Variants in RBMS3 observed in about 807,000 individuals in gnomAD.
RBMS3 encodes RNA-binding motif, single-stranded-interacting protein 3.
A neutral mutation model predicts 66.8 loss-of-function variants in RBMS3; 27 were observed. The ratio of observed to expected loss-of-function variants is 0.40; its 90% CI spans 0.30 to 0.56. RBMS3 has a LOEUF of 0.56. RBMS3 is among the 20% of genes least tolerant of loss of function. RBMS3 has a pLI of 0.40. For synonymous variants in RBMS3, 188 were observed against 183.0 expected (o/e 1.03, Z -0.22); for missense variants, 513 against 549.5 (o/e 0.93, Z 0.66).
chr3:29,317,840 C>G (rs575294772), intron 1 of RBMS3, among the ~76,000 whole-genome samples: 1 of 151,868 alleles, frequency 6.6e-6, no homozygotes, highest in Non-Finnish European at 1.5e-5. Context: ...TTCACCCACT[C>G]ATGGAAAGAA....
intron 1 of RBMS3, among the ~76,000 whole-genome samples, chr3:29,285,677 T>A (rs1283175205): frequency 6.6e-6 from 1 of 151,942 alleles, no homozygotes; most frequent in Non-Finnish European, 1.5e-5. Context: ...AGGGGCCAGG[T>A]GTAAGAAGTA....
In RBMS3 at chr3:29,644,026, C is replaced by T. The variant is rs114799226; in HGVS notation, c.399+56821C>T. Among the ~76,000 whole-genome samples, 644 of 152,210 alleles carry T rather than the reference C, an allele frequency of 4.2e-3. 8 individuals are homozygous for T. Among genetic ancestry groups the T allele is most frequent in the African/African-American group, 0.015 (620 of 41,524 alleles). ...AATTGAGGTTTCAGTGGCAGTATGCCGCTTCTACCCCCAGCTTTCAAACAT... is the reference window on the plus strand; with the variant it reads ...AATTGAGGTTTCAGTGGCAGTATGCTGCTTCTACCCCCAGCTTTCAAACAT... On this transcript the variant is annotated intron_variant, in intron 4 of 14. Coordinates refer to ENST00000383767, the MANE Select transcript of RBMS3 (RefSeq NM_001003793.3).
intron 4 of RBMS3, among the ~76,000 whole-genome samples, chr3:29,590,739 T>A (rs1231038595): frequency 2.0e-5 from 3 of 151,984 alleles, no homozygotes; most frequent in Non-Finnish European, 4.4e-5. Flanking sequence ...AGTGAAGAAA[T>A]CCCTGCTAAC....
At chr3:29,371,017 C>A (rs571162590) in intron 1 of RBMS3, among the ~76,000 whole-genome samples, 6 of 152,182 alleles carry the variant, frequency 3.9e-5, no homozygotes, top group African/African-American at 9.7e-5. Flanking sequence ...TTGCTAATGT[C>A]ATTTTCATGA....
chr3:29,348,657 C>T (rs564348850), intron 1 of RBMS3, among the ~76,000 whole-genome samples: 1 of 151,906 alleles, frequency 6.6e-6, no homozygotes, highest in African/African-American at 2.4e-5. Flanking sequence ...TTACTCTTTG[C>T]TTTTCACTAA....
chr3:29,656,065 A>T (rs186687679), intron 4 of RBMS3, among the ~76,000 whole-genome samples: 236 of 152,332 alleles, frequency 1.5e-3, no homozygotes, highest in African/African-American at 5.6e-3. Context: ...TTATTATAAC[A>T]GTCAAAAAGT....
chr3:29,644,355 T>G (rs1044353951), intron 4 of RBMS3, among the ~76,000 whole-genome samples: 1 of 152,200 alleles, frequency 6.6e-6, no homozygotes, highest in African/African-American at 2.4e-5. Flanking sequence ...TAAACAATGC[T>G]TTTATTCCAG....
chr3:29,595,433 A>G (rs1327688789), intron 4 of RBMS3, among the ~76,000 whole-genome samples: 1 of 151,834 alleles, frequency 6.6e-6, no homozygotes, highest in Non-Finnish European at 1.5e-5. Context: ...AAGAAAGAAA[A>G]GAAACATCAA....
At chr3:29,775,031 AAAAC>A (rs2056374075) in intron 6 of RBMS3, among the ~76,000 whole-genome samples, 1 of 151,964 alleles carries the variant, frequency 6.6e-6, no homozygotes, top group Non-Finnish European at 1.5e-5. Context: ...ACAAAAACAA[AAAAC>A]AAACATAGAA....
chr3:29,356,621 A>G (rs749647151), intron 1 of RBMS3, among the ~76,000 whole-genome samples: 1 of 152,206 alleles, frequency 6.6e-6, no homozygotes, highest in Non-Finnish European at 1.5e-5. Flanking sequence ...GTAATTGTTA[A>G]GTCAGTCAAT....
intron 10 of RBMS3, among the ~76,000 whole-genome samples, chr3:29,908,040 G>A (rs550230937): frequency 2.6e-5 from 4 of 152,094 alleles, no homozygotes; most frequent in Admixed American, 6.6e-5. Context: ...TTGAACTCGG[G>A]AGTTTGAGAC....
chr3:29,745,550 G>A (rs1256086309), intron 5 of RBMS3, among the ~76,000 whole-genome samples: 22 of 152,108 alleles, frequency 1.4e-4, no homozygotes, highest in Admixed American at 1.4e-3. Flanking sequence ...AGGGTGTTAT[G>A]AGAGGCCAGT....
intron 6 of RBMS3, among the ~76,000 whole-genome samples, chr3:29,808,065 G>A (rs1274187470): frequency 6.6e-6 from 1 of 151,888 alleles, no homozygotes. Flanking sequence ...GTTTACTGTA[G>A]TAATCCATGG....
rs1323525946 is a variant in RBMS3 at position 29,348,294 on chromosome 3, G to T, written c.75+66538G>T. Among the ~76,000 whole-genome samples the T allele has an allele frequency of 3.3e-5, 5 of 152,064 alleles. No homozygotes were observed. In the East Asian group the frequency reaches 9.6e-4, roughly 29 times the overall value. On this transcript the variant is annotated intron_variant, in intron 1 of 14. Transcript: ENST00000383767. ...TAAGGCTGAAAATAATTCCCCAAAG[G>T]GGACATTGAACTAAAATATTTCAGG... is the stretch of plus-strand genomic sequence containing the variant.
At chr3:29,928,590 C>A (rs2061016824) in intron 10 of RBMS3, among the ~76,000 whole-genome samples, 1 of 152,046 alleles carries the variant, frequency 6.6e-6, no homozygotes, top group Non-Finnish European at 1.5e-5. Flanking sequence ...CTAATTTTTT[C>A]ACACAAATAG....
chr3:29,540,977 C>A (rs1026584438), intron 3 of RBMS3, among the ~76,000 whole-genome samples: 2 of 152,122 alleles, frequency 1.3e-5, no homozygotes, highest in African/African-American at 4.8e-5. Context: ...TGCAAATACC[C>A]GCAGCTAATC....
intron 3 of RBMS3, among the ~76,000 whole-genome samples, chr3:29,524,640 C>T (rs1014455504): frequency 1.4e-4 from 21 of 150,624 alleles, no homozygotes; most frequent in African/African-American, 3.4e-4. Context: ...GGCAGGGTTT[C>T]GCAATGTTGG....
chr3:29,384,946 G>A (rs1466470740), intron 1 of RBMS3, among the ~76,000 whole-genome samples: 1 of 151,916 alleles, frequency 6.6e-6, no homozygotes, highest in Admixed American at 6.5e-5. Context: ...CAGTGCTTTC[G>A]GAGCAGAGAT....
intron 6 of RBMS3, among the ~76,000 whole-genome samples, chr3:29,829,167 C>T (rs1413545217): frequency 1.3e-5 from 2 of 152,082 alleles, no homozygotes; most frequent in Non-Finnish European, 2.9e-5. Flanking sequence ...GCCTTTGCCT[C>T]CCGAGTAGCT....
Sources: gnomAD v4.1 joint callset for allele counts (sites outside exome capture counted in the v4.1 genomes callset) on GRCh38, gnomAD v4.1.1 for gene constraint, MANE v1.5 for transcripts, NCBI Gene and HGNC (gene_info 2026-07-23, HGNC 2026-07-21) for gene names.